MIB2: variants seen among roughly 807,000 people sequenced by gnomAD.
MIB2 encodes E3 ubiquitin-protein ligase MIB2.
A neutral mutation model predicts 96.6 loss-of-function variants in MIB2; 78 were observed. The observed-to-expected ratio is 0.81, with a 90% CI of 0.67 to 0.97. The LOEUF is 0.97. MIB2 is among the 50% of genes least tolerant of loss of function. MIB2 has a pLI of 0.00. For synonymous variants in MIB2, 820 were observed against 629.5 expected (o/e 1.30, Z -4.53); for missense variants, 1,543 against 1,424.0 (o/e 1.08, Z -1.35).
chr1:1,626,679 C>A lies in MIB2; in HGVS notation c.1002C>A (p.Val334=). 1.3e-6 allele frequency: 2 copies of A among 1,586,086 alleles called. No individual in the cohort carries two copies. Among genetic ancestry groups the A allele is most frequent in the Non-Finnish European group, 1.7e-6 (2 of 1,165,022 alleles). Residue 334 remains valine, a synonymous_variant, in exon 9 of 20, where the codon GTC becomes GTA. Coordinates refer to ENST00000355826, the MANE Select transcript of MIB2 (RefSeq NM_001170687.4). The surrounding 1 kb of genome is among the most constrained non-coding windows in gnomAD (Gnocchi z 5.3). ...ACTCCTTCTGGGTGGGCGACGTGGT[C>A]CGGGTCATCGGCGACCTTGACACAG... The part of the protein sequence containing the change: ...KHHSFWVGDV[V]RVIGDLDTVK...
In MIB2 at chr1:1,615,643, G is replaced by T; in HGVS notation, c.-130+10G>T. 3.8e-6 allele frequency: 6 copies of T among 1,575,580 alleles called. No individual in the cohort carries two copies. The highest frequency in any genetic ancestry group is 4.3e-6 in the Non-Finnish European group (5 of 1,164,736). On this transcript the variant is annotated intron_variant, in intron 1 of 19. Coordinates refer to ENST00000355826, the MANE Select transcript of MIB2 (RefSeq NM_001170687.4). ...GTCCTCTCGGCTGATGGTGCGTGCG[G>T]GCGCGGATCTCCTCCCCTGGTCCTC...
intron 1 of MIB2, 46 bp from the exon 2 acceptor site, chr1:1,616,462 G>T (rs751764369): frequency 2.2e-6 from 3 of 1,361,534 alleles, no homozygotes. Context: ...CCGAGCCGCG[G>T]GTCGAGGTGC....
rs371607681 is a variant in MIB2 at position 1,630,564 on chromosome 1, C to A, written c.*34C>A. On this transcript the variant is annotated 3_prime_UTR_variant, in exon 20 of 20. Transcript: ENST00000355826. ...GTCCGCCGCGCCCGAGCTGCCTTCG[C>A]GTGCCCCCGCCCTGTGTTTTATAAA... 6.8e-7 allele frequency: 1 copy of A among 1,460,196 alleles called. No individual in the cohort carries two copies. Among genetic ancestry groups the A allele is most frequent in the Non-Finnish European group, 9.2e-7 (1 of 1,089,530 alleles). 90.5% of individuals were successfully genotyped at this position (1,460,196 alleles called of 1,614,324 possible).
At chr1:1,629,348 C>T in intron 17 of MIB2, 37 bp downstream of exon 17, 2 of 1,442,700 alleles carry the variant, frequency 1.4e-6, no homozygotes, top group East Asian at 2.7e-5. Flanking sequence ...GTCCGGCGGC[C>T]TCCGGGCCCC....
chr1:1,615,842 C>T (rs1230781185), intron 1 of MIB2: 2 of 1,233,854 alleles, frequency 1.6e-6, no homozygotes, highest in South Asian at 2.7e-5. Context: ...TCCGGCCACC[C>T]GCGCGGGACT....
intron 1 of MIB2, chr1:1,615,994 G>A (rs1337000733): frequency 1.0e-6 from 1 of 984,888 alleles, no homozygotes; most frequent in Non-Finnish European, 1.2e-6. Context: ...GGGGCCGGTG[G>A]GTGGCCTCGA....
chr1:1,615,655 C>T (rs1361002921), intron 1 of MIB2, 22 bp downstream of exon 1: 5 of 1,567,076 alleles, frequency 3.2e-6, no homozygotes, highest in Non-Finnish European at 4.3e-6. Flanking sequence ...CGCGGATCTC[C>T]TCCCCTGGTC....
chr1:1,625,738 G>A lies in MIB2; in HGVS notation c.972+85G>A, dbSNP rs898758786. The A allele has an allele frequency of 2.6e-6, 3 of 1,155,886 alleles. No homozygotes were observed. The highest frequency in any genetic ancestry group is 1.5e-5 in the African/African-American group (1 of 65,534). The allele number at this position is 1,155,886 out of a possible 1,614,324, so 71.6% of individuals were successfully genotyped here. A position where few individuals can be genotyped will look rare whatever the true frequency, so the allele number is the denominator to read the frequency against. On this transcript the variant is annotated intron_variant, in intron 8 of 19. Transcript: ENST00000355826. This position sits in a 1 kb window ranked among gnomAD's most constrained non-coding sequence, Gnocchi z 5.0. Reference sequence around the variant, plus strand: ...CCCTTGGCCTTGGGGGGTCAGGCAGGACTAGGGTGCCAGCTGCACCCACGA... The same window carrying A: ...CCCTTGGCCTTGGGGGGTCAGGCAGAACTAGGGTGCCAGCTGCACCCACGA...
chr1:1,616,185 G>A (rs1235399986), intron 1 of MIB2: 2 of 857,696 alleles, frequency 2.3e-6, no homozygotes, highest in Non-Finnish European at 1.4e-6. Flanking sequence ...AGGGGGCGGG[G>A]CGCGCTCCGG....
Position 1,625,730 on chromosome 1 carries a change from T to A in MIB2, c.972+77T>A, listed in dbSNP as rs1214715082. ...CACGTACCCCCTTGGCCTTGGGGGGTCAGGCAGGACTAGGGTGCCAGCTGC... is the reference window on the plus strand; with the variant it reads ...CACGTACCCCCTTGGCCTTGGGGGGACAGGCAGGACTAGGGTGCCAGCTGC... On this transcript the variant is annotated intron_variant, in intron 8 of 19. Transcript: ENST00000355826. This position sits in a 1 kb window ranked among gnomAD's most constrained non-coding sequence, Gnocchi z 5.0. The A allele has an allele frequency of 1.6e-6, 2 of 1,266,630 alleles. No homozygotes were observed. The highest frequency in any genetic ancestry group is 1.5e-5 in the African/African-American group (1 of 67,144). 78.5% of individuals were successfully genotyped at this position (1,266,630 alleles called of 1,614,324 possible).
intron 1 of MIB2, chr1:1,615,968 C>G: frequency 1.0e-6 from 1 of 985,972 alleles, no homozygotes; most frequent in African/African-American, 1.7e-5. Context: ...CCTGGCCTGG[C>G]CGCCGCTGAG....
chr1:1,629,169 A>T lies in MIB2; in HGVS notation c.2239A>T (p.Thr747Ser). The T allele has an allele frequency of 1.3e-6, 2 of 1,504,790 alleles. No homozygotes were observed. The highest frequency in any genetic ancestry group is 1.8e-6 in the Non-Finnish European group (2 of 1,135,010). 93.2% of individuals were successfully genotyped at this position (1,504,790 alleles called of 1,614,324 possible). ...ASGLPGSAEL[T>S]VGAAVACFLA... Reference sequence around the variant, plus strand: ...GGGCCTCCCCGGCAGCGCGGAGCTGACGGTGGGCGCGGCGGTCGCCTGCTT... The same window carrying T: ...GGGCCTCCCCGGCAGCGCGGAGCTGTCGGTGGGCGCGGCGGTCGCCTGCTT... The change falls in exon 17 of 20, where the codon ACG (threonine) becomes TCG (serine). Residue 747 changes from threonine to serine, a missense_variant. Thr to Ser is a moderately conservative substitution (Grantham distance 58). Transcript: ENST00000355826.
chr1:1,624,758 TTTC>T, intron 4 of MIB2, 34 bp from the exon 5 acceptor site: 2 of 1,588,032 alleles, frequency 1.3e-6, no homozygotes, highest in Non-Finnish European at 1.7e-6. Context: ...AGATGGCGGT[TTTC>T]TTCTGAGAGC....
At position 1,629,405 on chromosome 1, in the gene MIB2, G is replaced by GCGCGGC; in HGVS notation, c.2404_2409dup (p.Ala802_Ala803dup). Reference sequence around the variant, plus strand: ...TGCAGGGAGCGGCAGGCGGGCGGGGGCGCGGCCCCGGGCCCCAGGCAAACG... The same window carrying GCGCGGC: ...TGCAGGGAGCGGCAGGCGGGCGGGGGCGCGGCCGCGGCCCCGGGCCCCAGGCAAACG... On this transcript the variant is annotated inframe_insertion, in exon 18 of 20. Coordinates refer to ENST00000355826, the MANE Select transcript of MIB2 (RefSeq NM_001170687.4). 1 of 1,450,842 alleles carries GCGCGGC rather than the reference G, an allele frequency of 6.9e-7. No homozygotes were observed. Among genetic ancestry groups the GCGCGGC allele is most frequent in the Non-Finnish European group, 9.0e-7 (1 of 1,113,826 alleles). 89.9% of individuals were successfully genotyped at this position (1,450,842 alleles called of 1,614,324 possible). A position where few individuals can be genotyped will look rare whatever the true frequency, so the allele number is the denominator to read the frequency against.
At position 1,630,467 on chromosome 1, in the gene MIB2, C is replaced by G. The variant is rs368847903; in HGVS notation, c.2805C>G (p.Ser935=). 1 of 1,593,842 alleles carries G rather than the reference C, an allele frequency of 6.3e-7. No individual in the cohort carries two copies. The highest frequency in any genetic ancestry group is 8.5e-7 in the Non-Finnish European group (1 of 1,174,178). ...CGHGACAPCG[S]ALSACPICRQ... is the part of the protein sequence containing the mutation. ...ACGGCGCATGCGCCCCCTGCGGCTCCGCGCTCAGCGCCTGCCCCATCTGCC... is the reference window on the plus strand; with the variant it reads ...ACGGCGCATGCGCCCCCTGCGGCTCGGCGCTCAGCGCCTGCCCCATCTGCC... Residue 935 remains serine, a synonymous_variant, in exon 20 of 20, where the codon TCC becomes TCG. Coordinates refer to ENST00000355826, the MANE Select transcript of MIB2 (RefSeq NM_001170687.4).
chr1:1,616,380 G>T, intron 1 of MIB2, 128 bp from the exon 2 acceptor site: 1 of 679,714 alleles, frequency 1.5e-6, no homozygotes, highest in Non-Finnish European at 2.3e-6. Context: ...GGCAGGCGGC[G>T]GCCCTGAGTG....
rs746751404 is a variant in MIB2, at chr1:1,630,321, G to A, written c.2659G>A (p.Ala887Thr). The A allele has an allele frequency of 2.2e-6, 3 of 1,369,606 alleles. No homozygotes were observed. Among genetic ancestry groups the A allele is most frequent in the East Asian group, 3.1e-5 (1 of 31,804 alleles). The allele number at this position is 1,369,606 out of a possible 1,614,324, so 84.8% of individuals were successfully genotyped here. ...DGSEVASAAP[A>T]PGPPRQLVEE... ...CTCTGAGGTGGCGAGCGCCGCCCCC[G>A]CCCCCGGCCCGCCGCGCCAGCTGGT... The change falls in exon 20 of 20, where the codon GCC becomes ACC. Residue 887 changes from alanine to threonine, a missense_variant. Ala to Thr is a moderately conservative substitution (Grantham distance 58, BLOSUM62 0). Transcript: ENST00000355826.
chr1:1,615,886 CAGCGGCGCTGGG>C (rs1643587756), intron 1 of MIB2: 2 of 1,064,864 alleles, frequency 1.9e-6, no homozygotes, highest in African/African-American at 1.7e-5. Context: ...GGCCCGGGGC[CAGCGGCGCTGGG>C]GTCGGCGCTG....
chr1:1,617,352 C>T (rs551581922), intron 2 of MIB2: 1 of 152,404 alleles, frequency 6.6e-6, no homozygotes, highest in South Asian at 2.1e-4. Context: ...GCTTTTAAAG[C>T]TTCTCCGATA....
Sources: allele counts gnomAD v4.1 joint callset, GRCh38; gene constraint gnomAD v4.1.1; non-coding constraint Gnocchi (gnomAD v3.1); transcripts MANE v1.5; gene names NCBI Gene and HGNC (gene_info 2026-07-23, HGNC 2026-07-21).